The following CHD6 variants were observed in gnomAD, a reference collection of about 807,000 sequenced individuals.
The protein encoded by CHD6 is ATP-dependent chromatin remodeler CHD6.
CHD6 carries 50 observed loss-of-function variants against 276.9 expected under a neutral mutation model. The ratio of observed to expected loss-of-function variants is 0.18; its 90% CI spans 0.14 to 0.23. CHD6 has a LOEUF of 0.23. Ranked by LOEUF, CHD6 falls within the 10% of genes least tolerant of loss-of-function variation. The pLI, the probability that CHD6 is intolerant of heterozygous loss-of-function variation, is 1.00. For synonymous variants in CHD6, 1,173 were observed against 1,229.3 expected (o/e 0.95, Z 0.96); for missense variants, 2,564 against 3,365.8 (o/e 0.76, Z 5.89).
chr20:41,573,213 C>G (rs190734682), intron 1 of CHD6, among the ~76,000 whole-genome samples: 2 of 152,258 alleles, frequency 1.3e-5, no homozygotes, highest in East Asian at 3.9e-4. Flanking sequence ...CAGGCCAAGA[C>G]CATTCTACTA....
In CHD6 at chr20:41,473,489, C is replaced by G; in HGVS notation, c.2497G>C (p.Val833Leu). The change falls in exon 17 of 37, where the codon GTA (valine) becomes CTA (leucine). Residue 833 changes from valine to leucine, a missense_variant. Physicochemically the swap from Val to Leu is conservative, Grantham distance 32. Transcript: ENST00000373233. This position sits in a 1 kb window ranked among gnomAD's most constrained non-coding sequence, Gnocchi z 4.1. ...GCTGCCTGGCGCAGGTTTCCCCGTA[C>G]TCGCCCATCAATTCGCTCATAGGTG... ...RYTYERIDGRVRGNLRQAAID... is the reference protein window; with the variant it reads ...RYTYERIDGRLRGNLRQAAID... 6.2e-7 allele frequency: 1 copy of G among 1,614,086 alleles called. No homozygotes were observed. The highest frequency in any genetic ancestry group is 8.5e-7 in the Non-Finnish European group (1 of 1,179,986).
At chr20:41,599,422 G>T (rs1248752922) in intron 1 of CHD6, among the ~76,000 whole-genome samples, 1 of 152,108 alleles carries the variant, frequency 6.6e-6, no homozygotes, top group African/African-American at 2.4e-5. Context: ...AAATGGAAGG[G>T]ACTCATAACC....
intron 17 of CHD6, among the ~76,000 whole-genome samples, chr20:41,457,871 AC>A (rs1250059953): frequency 1.3e-5 from 2 of 152,188 alleles, no homozygotes; most frequent in Non-Finnish European, 2.9e-5. Flanking sequence ...CCTCTTACGG[AC>A]AATCTCGTTT....
Position 41,420,659 on chromosome 20 carries a change from C to T in CHD6, c.5976G>A (p.Lys1992=). ...TAIPSQPFKV[K]HELLKEPWKE... ...TCCAAGGTTCTTTTAAAAGCTCATG[C>T]TTCACTTTAAACGGCTGTGATGGAA... is the stretch of plus-strand genomic sequence containing the variant. The change falls in exon 31 of 37, where the codon AAG becomes AAA. Residue 1992 remains lysine (K), a synonymous_variant. Coordinates refer to ENST00000373233, the MANE Select transcript of CHD6 (RefSeq NM_032221.5). 1 of 1,614,238 alleles carries T rather than the reference C, an allele frequency of 6.2e-7. No homozygotes were observed. The highest frequency in any genetic ancestry group is 8.5e-7 in the Non-Finnish European group (1 of 1,180,046).
At position 41,421,785 on chromosome 20, in the gene CHD6, T is replaced by A. The variant is rs1414187430; in HGVS notation, c.4850A>T (p.Gln1617Leu). 12 of 1,614,252 alleles carry A rather than the reference T, an allele frequency of 7.4e-6. No individual in the cohort carries two copies. The highest frequency in any genetic ancestry group is 1.0e-5 in the Non-Finnish European group (12 of 1,180,054). Reference sequence around the variant, plus strand: ...TGCCTGGGTGCCAGATCTTTTATGCTGGGCATAGTTTCTATAGGCATCCAG... The same window carrying A: ...TGCCTGGGTGCCAGATCTTTTATGCAGGGCATAGTTTCTATAGGCATCCAG... ...SFLDAYRNYA[Q>L]HKRSGTQAPG... The change falls in exon 31 of 37, where the codon CAG becomes CTG. Residue 1617 changes from glutamine (Q) to leucine (L), a missense_variant. Coordinates refer to ENST00000373233, the MANE Select transcript of CHD6 (RefSeq NM_032221.5).
At chr20:41,447,097 C>CAT (rs1457778148) in intron 24 of CHD6, among the ~76,000 whole-genome samples, 3 of 152,200 alleles carry the variant, frequency 2.0e-5, no homozygotes, top group Admixed American at 6.5e-5. Context: ...GCTCTGATTA[C>CAT]AAGTTGCCCC....
At chr20:41,538,244 G>A (rs1225210470) in intron 2 of CHD6, among the ~76,000 whole-genome samples, 7 of 152,148 alleles carry the variant, frequency 4.6e-5, no homozygotes. Context: ...CCAGCTACTT[G>A]GGAGGCTAAG....
At chr20:41,606,622 CA>C (rs1254968205) in intron 1 of CHD6, among the ~76,000 whole-genome samples, 1 of 150,086 alleles carries the variant, frequency 6.7e-6, no homozygotes, top group Non-Finnish European at 1.5e-5. Context: ...TCACAGTGAG[CA>C]GAGATCGCAC....
At chr20:41,555,523 T>C (rs1000184119) in intron 1 of CHD6, among the ~76,000 whole-genome samples, 33 of 149,110 alleles carry the variant, frequency 2.2e-4, no homozygotes, top group African/African-American at 8.0e-4. Flanking sequence ...ATGGGGCTCC[T>C]CACTTCTCAG....
intron 1 of CHD6, among the ~76,000 whole-genome samples, chr20:41,617,541 T>C (rs1381341359): frequency 6.6e-6 from 1 of 152,170 alleles, no homozygotes; most frequent in African/African-American, 2.4e-5. Flanking sequence ...CCGATAGGCA[T>C]GTCCCTGGAA....
intron 2 of CHD6, among the ~76,000 whole-genome samples, chr20:41,536,523 C>T (rs1462447836): frequency 6.6e-6 from 1 of 152,146 alleles, no homozygotes; most frequent in Non-Finnish European, 1.5e-5. Flanking sequence ...AAACCTTTAA[C>T]AATTATTCAA....
intron 1 of CHD6, among the ~76,000 whole-genome samples, chr20:41,608,597 T>C (rs192341965): frequency 1.3e-5 from 2 of 152,170 alleles, no homozygotes; most frequent in Non-Finnish European, 2.9e-5. Flanking sequence ...GAAAATTGAA[T>C]TCTAATCAAG....
At chr20:41,571,019 AC>A (rs558259929) in intron 1 of CHD6, among the ~76,000 whole-genome samples, 315 of 152,162 alleles carry the variant, frequency 2.1e-3, no homozygotes, top group African/African-American at 7.1e-3. Context: ...AAAGCTACAC[AC>A]TGAGTCTCTC....
chr20:41,559,210 CCT>C (rs1286251980), intron 1 of CHD6, among the ~76,000 whole-genome samples: 2 of 151,678 alleles, frequency 1.3e-5, no homozygotes, highest in East Asian at 1.9e-4. Context: ...TGCTATACTC[CCT>C]GAGTCTGGAA....
intron 1 of CHD6, among the ~76,000 whole-genome samples, chr20:41,596,628 T>C (rs1212621918): frequency 6.6e-6 from 1 of 150,968 alleles, no homozygotes; most frequent in Non-Finnish European, 1.5e-5. Context: ...AAATGATAGT[T>C]AAAGGGATTC....
intron 27 of CHD6, among the ~76,000 whole-genome samples, chr20:41,433,571 G>A (rs530191919): frequency 1.4e-4 from 22 of 152,002 alleles, no homozygotes; most frequent in Non-Finnish European, 2.5e-4. Context: ...TAAGAGAACC[G>A]TCTGACAGTT....
intron 1 of CHD6, among the ~76,000 whole-genome samples, chr20:41,556,277 C>A (rs996063108): frequency 7.4e-6 from 1 of 135,996 alleles, no homozygotes; most frequent in Non-Finnish European, 1.6e-5. Flanking sequence ...CGTGGGGAGA[C>A]GGGAGAGGGA....
intron 1 of CHD6, among the ~76,000 whole-genome samples, chr20:41,562,342 C>T (rs147730680): frequency 6.6e-5 from 10 of 152,192 alleles, no homozygotes; most frequent in Non-Finnish European, 1.5e-4. Flanking sequence ...ACCCTGTGGT[C>T]TAGTGGAAAC....
chr20:41,534,098 C>A (rs11697037), intron 2 of CHD6, among the ~76,000 whole-genome samples: 3,126 of 152,296 alleles, frequency 0.021, 54 homozygotes, highest in Non-Finnish European at 0.033. Context: ...ATATCTCATT[C>A]TTTCAGGTCT....
Sources: gnomAD v4.1 joint callset for allele counts (sites outside exome capture counted in the v4.1 genomes callset) on GRCh38, gnomAD v4.1.1 for gene constraint, Gnocchi (gnomAD v3.1) non-coding constraint, MANE v1.5 for transcripts, NCBI Gene and HGNC (gene_info 2026-07-23, HGNC 2026-07-21) for gene names.